SLC24A3: variants seen among roughly 807,000 people sequenced by gnomAD.
SLC24A3 encodes solute carrier family 24 member 3.
A neutral mutation model predicts 75.8 loss-of-function variants in SLC24A3; 28 were observed. The ratio of observed to expected loss-of-function variants is 0.37; its 90% CI spans 0.27 to 0.51. SLC24A3 has a LOEUF of 0.51. Among genes scored for constraint, SLC24A3 ranks in the 20% least tolerant of loss-of-function variants. SLC24A3 has a pLI of 0.94. For missense variants in SLC24A3, 663 were observed against 847.8 expected (o/e 0.78, Z 2.71); for synonymous variants, 372 against 334.1 (o/e 1.11, Z -1.24).
At chr20:19,390,317 A>G (rs982641955) in intron 2 of SLC24A3, among the ~76,000 whole-genome samples, 1 of 152,166 alleles carries the variant, frequency 6.6e-6, no homozygotes, top group African/African-American at 2.4e-5. Context: ...GTATCTGCCC[A>G]TTTGGAAAAG....
At chr20:19,641,348 T>G (rs1251650439) in intron 6 of SLC24A3, among the ~76,000 whole-genome samples, 1 of 152,222 alleles carries the variant, frequency 6.6e-6, no homozygotes, top group Non-Finnish European at 1.5e-5. Flanking sequence ...AGCTATAAAA[T>G]TAAACCCAGC....
At chr20:19,566,546 A>C (rs999946286) in intron 3 of SLC24A3, among the ~76,000 whole-genome samples, 3 of 152,208 alleles carry the variant, frequency 2.0e-5, no homozygotes. Flanking sequence ...AAAGAACCTC[A>C]ATCATCTATG....
intron 2 of SLC24A3, among the ~76,000 whole-genome samples, chr20:19,459,939 G>A (rs1404057267): frequency 3.9e-5 from 6 of 152,142 alleles, no homozygotes; most frequent in East Asian, 1.9e-4. Flanking sequence ...TTGTCACTTT[G>A]CAGATTATGA....
At chr20:19,387,773 GA>G (rs1986296563) in intron 2 of SLC24A3, among the ~76,000 whole-genome samples, 1 of 152,134 alleles carries the variant, frequency 6.6e-6, no homozygotes, top group African/African-American at 2.4e-5. Flanking sequence ...TTGTGTGCTT[GA>G]AAAGAATGTG....
chr20:19,390,619 A>G (rs1986349754), intron 2 of SLC24A3, among the ~76,000 whole-genome samples: 1 of 152,106 alleles, frequency 6.6e-6, no homozygotes, highest in Non-Finnish European at 1.5e-5. Context: ...AGTTTGCTGG[A>G]CCATGGAGCT....
chr20:19,310,616 A>G lies in SLC24A3; in HGVS notation c.271+29529A>G, dbSNP rs75934509. On this transcript the variant is annotated intron_variant, in intron 2 of 16. Transcript: ENST00000328041. The stretch of plus-strand genomic sequence containing the variant: ...GGGAAGGAAACTTACTGCTCCAGCC[A>G]CTGTTCTTCCTCATAGATGTCTGCA... Among the ~76,000 whole-genome samples, 928 of 152,272 alleles carry G rather than the reference A, an allele frequency of 6.1e-3. 9 individuals carry two copies. Among genetic ancestry groups the G allele is most frequent in the African/African-American group, 0.021 (874 of 41,562 alleles).
intron 6 of SLC24A3, among the ~76,000 whole-genome samples, chr20:19,645,274 G>A (rs2032123483): frequency 6.6e-6 from 1 of 152,152 alleles, no homozygotes; most frequent in Non-Finnish European, 1.5e-5. Context: ...AGTGTCAGGG[G>A]CGCATAGCAC....
At chr20:19,622,566 G>C (rs912309541) in intron 6 of SLC24A3, among the ~76,000 whole-genome samples, 6 of 152,164 alleles carry the variant, frequency 3.9e-5, no homozygotes, top group Non-Finnish European at 7.3e-5. Context: ...GTCGACTTTT[G>C]AGAAGGTCAT....
chr20:19,406,005 T>C (rs1019830703), intron 2 of SLC24A3, among the ~76,000 whole-genome samples: 1 of 152,210 alleles, frequency 6.6e-6, no homozygotes, highest in African/African-American at 2.4e-5. Context: ...TCTGAAAATA[T>C]GATTTTGAAT....
rs188566778 is a variant in SLC24A3 at position 19,515,479 on chromosome 20, G to A, written c.272-9G>A. On this transcript the variant is annotated splice_polypyrimidine_tract_variant and intron_variant, in intron 2 of 16. Transcript: ENST00000328041. ...TGTGCTGAGACGGTTTTCTTTCTCTGTTCTTTAGCCCTGCATGAATTCCCC... is the reference window on the plus strand; with the variant it reads ...TGTGCTGAGACGGTTTTCTTTCTCTATTCTTTAGCCCTGCATGAATTCCCC... 9.4e-4 allele frequency: 1,525 copies of A among 1,614,100 alleles called. 9 individuals are homozygous for A. Among genetic ancestry groups the A allele is most frequent in the Non-Finnish European group, 3.8e-4 (449 of 1,179,964 alleles).
intron 2 of SLC24A3, among the ~76,000 whole-genome samples, chr20:19,411,232 A>G (rs140176033): frequency 1.3e-5 from 2 of 152,220 alleles, no homozygotes; most frequent in Admixed American, 6.5e-5. Context: ...TAGGTGCTGA[A>G]TCTCCCCATG....
chr20:19,707,482 G>A (rs886322899), intron 15 of SLC24A3, among the ~76,000 whole-genome samples: 11 of 152,184 alleles, frequency 7.2e-5, no homozygotes, highest in African/African-American at 2.7e-4. Context: ...CTTTTCAGGT[G>A]TTATTATAAC....
At chr20:19,633,414 C>T (rs2031959923) in intron 6 of SLC24A3, among the ~76,000 whole-genome samples, 1 of 152,052 alleles carries the variant, frequency 6.6e-6, no homozygotes, top group Non-Finnish European at 1.5e-5. Flanking sequence ...CTTTGGGAGG[C>T]CGAGGCGGGC....
intron 1 of SLC24A3, among the ~76,000 whole-genome samples, chr20:19,260,122 T>A (rs1982936003): frequency 6.6e-6 from 1 of 152,222 alleles, no homozygotes; most frequent in Admixed American, 6.5e-5. Context: ...ATCATTGTTA[T>A]TTTTTCTTTT....
chr20:19,271,753 G>C (rs975641581), intron 1 of SLC24A3, among the ~76,000 whole-genome samples: 2 of 152,100 alleles, frequency 1.3e-5, no homozygotes, highest in Non-Finnish European at 2.9e-5. Flanking sequence ...ACCAAACATT[G>C]TATGTTCCCA....
intron 6 of SLC24A3, among the ~76,000 whole-genome samples, chr20:19,633,942 C>G (rs6081689): frequency 0.29 from 43,572 of 152,018 alleles, 6,685 homozygotes; most frequent in African/African-American, 0.41. Context: ...AATGCTGCTG[C>G]TGTTACTGTT....
chr20:19,427,082 CGT>C (rs1473516687), intron 2 of SLC24A3, among the ~76,000 whole-genome samples: 6 of 151,650 alleles, frequency 4.0e-5, no homozygotes, highest in African/African-American at 1.2e-4. Context: ...TGTGTGTGTG[CGT>C]GTGTCTCTGT....
chr20:19,542,058 G>T (rs1276280366), intron 3 of SLC24A3, among the ~76,000 whole-genome samples: 1 of 152,300 alleles, frequency 6.6e-6, no homozygotes, highest in South Asian at 2.1e-4. Context: ...AAATGAAGGG[G>T]GGACCTGCAG....
At chr20:19,294,197 C>T (rs1984009310) in intron 2 of SLC24A3, among the ~76,000 whole-genome samples, 1 of 152,076 alleles carries the variant, frequency 6.6e-6, no homozygotes, top group South Asian at 2.1e-4. Context: ...AGCATTTATT[C>T]ATAAAATCTA....
Sources: gnomAD v4.1 joint callset for allele counts (sites outside exome capture counted in the v4.1 genomes callset) on GRCh38, gnomAD v4.1.1 for gene constraint, MANE v1.5 for transcripts, NCBI Gene and HGNC (gene_info 2026-07-23, HGNC 2026-07-21) for gene names.